The following COL21A1 variants were observed in gnomAD, a reference collection of about 807,000 sequenced individuals.
The protein encoded by COL21A1 is collagen alpha-1(XXI) chain.
In COL21A1, 149 loss-of-function variants were observed where a neutral mutation model predicts 137.9. The observed-to-expected ratio is 1.08, with a 90% CI of 0.95 to 1.24. The LOEUF is 1.24. Ranked by LOEUF, COL21A1 falls within the 50% of genes most tolerant of loss-of-function variation. The probability of loss-of-function intolerance (pLI) is 0.00; values close to 1 mark genes in which losing one functional copy is unlikely to be tolerated. For synonymous variants in COL21A1, 456 were observed against 391.5 expected, an observed-to-expected ratio of 1.16 and a Z score of -1.95; for missense variants, 1,167 against 1,158.4, an observed-to-expected ratio of 1.01 and a Z score of -0.11.
At chr6:56,177,261 A>T (rs1000564025) in intron 3 of COL21A1, among the ~76,000 whole-genome samples, 4 of 152,176 alleles carry the variant, frequency 2.6e-5, no homozygotes, top group Admixed American at 6.5e-5. Flanking sequence ...AACTGTGGTA[A>T]ATATTATTTA....
At chr6:56,256,325 C>T (rs1031389002) in intron 1 of COL21A1, among the ~76,000 whole-genome samples, 1 of 152,126 alleles carries the variant, frequency 6.6e-6, no homozygotes, top group Admixed American at 6.5e-5. Context: ...AGGTTGTGAA[C>T]AGAGATGAAA....
At chr6:56,194,511 C>T (rs955934411) in intron 1 of COL21A1, among the ~76,000 whole-genome samples, 20 of 152,236 alleles carry the variant, frequency 1.3e-4, no homozygotes, top group African/African-American at 4.8e-4. Context: ...TGAATCTCCT[C>T]ATATGCTAAC....
At chr6:56,202,883 C>T (rs1044938827) in intron 1 of COL21A1, among the ~76,000 whole-genome samples, 1 of 152,032 alleles carries the variant, frequency 6.6e-6, no homozygotes, top group African/African-American at 2.4e-5. Flanking sequence ...CAGTACAAGC[C>T]AAGAAATGGT....
chr6:56,089,298 T>C (rs572990941), intron 17 of COL21A1, among the ~76,000 whole-genome samples: 1 of 152,308 alleles, frequency 6.6e-6, no homozygotes, highest in South Asian at 2.1e-4. Context: ...CATCTTTACA[T>C]TTGTATACAT....
intron 1 of COL21A1, among the ~76,000 whole-genome samples, chr6:56,270,202 G>T (rs746500209): frequency 6.6e-6 from 1 of 152,028 alleles, no homozygotes; most frequent in Non-Finnish European, 1.5e-5. Context: ...ATACCCACAG[G>T]CTCAATGTAA....
chr6:56,068,925 T>C (rs1488908271), intron 22 of COL21A1, 121 bp downstream of exon 22: 7 of 681,630 alleles, frequency 1.0e-5, no homozygotes, highest in South Asian at 3.5e-5. Context: ...ATCGAATATA[T>C]AGGGTACTTT....
intron 16 of COL21A1, among the ~76,000 whole-genome samples, chr6:56,106,828 C>A (rs1770953519): frequency 6.6e-6 from 1 of 151,932 alleles, no homozygotes; most frequent in Admixed American, 6.6e-5. Context: ...GCTCTGTCGC[C>A]CAGGCTGGAG....
chr6:56,253,955 T>C (rs769477537), intron 1 of COL21A1, among the ~76,000 whole-genome samples: 1 of 152,188 alleles, frequency 6.6e-6, no homozygotes, highest in Non-Finnish European at 1.5e-5. Context: ...ACACCCCAAA[T>C]TGACAGGTAA....
intron 1 of COL21A1, among the ~76,000 whole-genome samples, chr6:56,262,108 G>T (rs1763293853): frequency 6.6e-6 from 1 of 152,062 alleles, no homozygotes; most frequent in South Asian, 2.1e-4. Flanking sequence ...CTCAAACCTG[G>T]TGTCTTTCTT....
chr6:56,380,703 T>G (rs1373865076), intron 1 of COL21A1, among the ~76,000 whole-genome samples: 5 of 152,138 alleles, frequency 3.3e-5, no homozygotes, highest in African/African-American at 1.2e-4. Flanking sequence ...TTTTCCACAT[T>G]TTTGTGCTTT....
intron 26 of COL21A1, 29 bp from the exon 27 acceptor site, chr6:56,060,824 T>G (rs555608080): frequency 1.3e-6 from 2 of 1,592,176 alleles, no homozygotes. Flanking sequence ...GGTTATAACA[T>G]GCACATAAAG....
intron 1 of COL21A1, among the ~76,000 whole-genome samples, chr6:56,369,844 T>C (rs1043469032): frequency 2.6e-5 from 4 of 152,148 alleles, no homozygotes; most frequent in Admixed American, 6.5e-5. Flanking sequence ...ACAAAACCAA[T>C]TGATATTCAG....
intron 1 of COL21A1, among the ~76,000 whole-genome samples, chr6:56,281,650 C>G (rs1338109004): frequency 6.6e-6 from 1 of 152,156 alleles, no homozygotes; most frequent in African/African-American, 2.4e-5. Context: ...TTCTTTATCC[C>G]CATTAGCTTT....
At chr6:56,285,763 TC>T in intron 1 of COL21A1, among the ~76,000 whole-genome samples, 1 of 151,946 alleles carries the variant, frequency 6.6e-6, no homozygotes. Flanking sequence ...AAAACCTTCC[TC>T]CAGGACCCTG....
chr6:56,281,613 C>T (rs1169696321), intron 1 of COL21A1, among the ~76,000 whole-genome samples: 1 of 152,126 alleles, frequency 6.6e-6, no homozygotes, highest in Admixed American at 6.5e-5. Context: ...AATGTTTCAC[C>T]ATTACAGTAT....
intron 23 of COL21A1, 63 bp downstream of exon 23, chr6:56,067,232 T>C: frequency 7.7e-7 from 1 of 1,291,334 alleles, no homozygotes; most frequent in Non-Finnish European, 1.1e-6. Context: ...AAAAGTAAAA[T>C]AAGAACTTTT....
In COL21A1 at chr6:56,316,477, C is replaced by CTTTT. The variant is rs60388494; in HGVS notation, c.-39+77490_-39+77493dup. Among the ~76,000 whole-genome samples the CTTTT allele has an allele frequency of 4.4e-4, 33 of 75,790 alleles. 10 individuals are homozygous for CTTTT. The highest frequency in any genetic ancestry group is 6.5e-4 in the African/African-American group (13 of 19,884). 49.7% of individuals were successfully genotyped at this position (75,790 alleles called of 152,430 possible). On this transcript the variant is annotated intron_variant, in intron 1 of 28. Coordinates refer to the COL21A1 transcript ENST00000370819. ...CACACCTTTTAAAATTCTAAATAGA[C>CTTTT]TTTTTTTTTTTTTTTTTTTTTTGAG...
chr6:56,356,207 G>C (rs1207887206), intron 1 of COL21A1, among the ~76,000 whole-genome samples: 1 of 152,200 alleles, frequency 6.6e-6, no homozygotes, highest in Admixed American at 6.5e-5. Context: ...GCTCATGGAA[G>C]AGGCACCCAA....
intron 1 of COL21A1, among the ~76,000 whole-genome samples, chr6:56,378,750 T>C (rs980809373): frequency 1.3e-5 from 2 of 150,968 alleles, no homozygotes; most frequent in Non-Finnish European, 3.0e-5. Flanking sequence ...AGCCAGAGAG[T>C]GGTTACAGGG....
Sources: gnomAD v4.1 joint callset for allele counts (sites outside exome capture counted in the v4.1 genomes callset) on GRCh38, gnomAD v4.1.1 for gene constraint, MANE v1.5 for transcripts, NCBI Gene and HGNC (gene_info 2026-07-23, HGNC 2026-07-21) for gene names.